Variants in ZNF69 observed in about 807,000 individuals in gnomAD.
ZNF69 encodes the protein zinc finger protein 69.
Under a neutral mutation model 50.9 loss-of-function variants are expected in ZNF69, and 47 were observed. The ratio of observed to expected loss-of-function variants is 0.92; its 90% CI spans 0.73 to 1.18. The LOEUF is 1.18. Ranked by LOEUF, ZNF69 falls within the 50% of genes most tolerant of loss-of-function variation. ZNF69 has a pLI of 0.00. For missense variants in ZNF69, 717 were observed against 675.1 expected, an observed-to-expected ratio of 1.06 and a Z score of -0.69; for synonymous variants, 216 against 223.1, an observed-to-expected ratio of 0.97 and a Z score of 0.29.
At chr19:11,921,046 G>A in the ZNF69 span, among the ~76,000 whole-genome samples, 1 of 152,162 alleles carries the variant, frequency 6.6e-6, no homozygotes, top group Non-Finnish European at 1.5e-5. Flanking sequence ...GCTTCCTGCA[G>A]AGCTGTGTCC....
At chr19:11,898,546 A>G (rs1209506476) in intron 1 of ZNF69, among the ~76,000 whole-genome samples, 10 of 151,844 alleles carry the variant, frequency 6.6e-5, no homozygotes, top group African/African-American at 2.4e-4. Flanking sequence ...ACACACCACC[A>G]CACCCAACTA....
chr19:11,967,610 A>G, the ZNF69 span, among the ~76,000 whole-genome samples: 1 of 152,094 alleles, frequency 6.6e-6, no homozygotes, highest in African/African-American at 2.4e-5. Flanking sequence ...TCACCGTGTT[A>G]GCCAGGATGG....
chr19:11,974,897 C>T, the ZNF69 span, among the ~76,000 whole-genome samples: 8 of 152,230 alleles, frequency 5.3e-5, no homozygotes, highest in African/African-American at 1.9e-4. Flanking sequence ...GCCACCACAC[C>T]TGGCTGCTAC....
chr19:11,956,857 AT>A, the ZNF69 span, among the ~76,000 whole-genome samples: 2 of 152,142 alleles, frequency 1.3e-5, no homozygotes, highest in African/African-American at 2.4e-5. Context: ...CTCCAAAAAA[AT>A]AAATAAAGCT....
chr19:11,898,814 A>G (rs1972183313), intron 1 of ZNF69, among the ~76,000 whole-genome samples: 2 of 152,186 alleles, frequency 1.3e-5, no homozygotes, highest in South Asian at 4.1e-4. Context: ...AGCCTAGGCA[A>G]CATAGCAAGA....
In ZNF69 at chr19:11,904,940, A is replaced by G. The variant is rs778485026; in HGVS notation, c.543A>G (p.Thr181=). The change falls in exon 4 of 4, where the codon ACA becomes ACG. Residue 181 remains threonine, a synonymous_variant. Coordinates refer to ENST00000429654, the MANE Select transcript of ZNF69 (RefSeq NM_001364730.1). ...TCAGATATCACCCCTCCTTTAGAAC[A>G]CCACAAAGGGATCACACTGGAGAGA... ...KAFRYHPSFR[T]PQRDHTGEKP... The G allele has an allele frequency of 8.1e-5, 131 of 1,614,076 alleles. No individual in the cohort carries two copies. Among genetic ancestry groups the G allele is most frequent in the Non-Finnish European group, 4.0e-5 (47 of 1,180,034 alleles).
chr19:11,968,030 G>A, the ZNF69 span, among the ~76,000 whole-genome samples: 9 of 152,166 alleles, frequency 5.9e-5, no homozygotes, highest in African/African-American at 2.2e-4. Flanking sequence ...GGAGTGTAAG[G>A]ATACTTGCAG....
the ZNF69 span, chr19:11,949,311 TGCCTCACA>T: frequency 6.2e-7 from 1 of 1,613,976 alleles, no homozygotes; most frequent in African/African-American, 1.3e-5. Context: ...CCTTCAGATC[TGCCTCACA>T]GCTTCGAGTG....
chr19:11,941,079 C>T, the ZNF69 span, among the ~76,000 whole-genome samples: 3 of 152,270 alleles, frequency 2.0e-5, no homozygotes, highest in East Asian at 5.8e-4. Flanking sequence ...TCGATTGGTG[C>T]ATTCACAAAC....
chr19:11,900,325 C>T (rs1426600090), intron 1 of ZNF69, among the ~76,000 whole-genome samples: 1 of 149,818 alleles, frequency 6.7e-6, no homozygotes, highest in Non-Finnish European at 1.5e-5. Flanking sequence ...TAATTACATT[C>T]TTTAGGGGGA....
the ZNF69 span, among the ~76,000 whole-genome samples, chr19:11,941,767 C>A: frequency 6.6e-6 from 1 of 152,244 alleles, no homozygotes; most frequent in Non-Finnish European, 1.5e-5. Flanking sequence ...GGCTGAAGGG[C>A]TCCTCAAGTG....
chr19:11,915,642 G>A (rs1309818731), downstream of ZNF69, among the ~76,000 whole-genome samples: 1 of 152,168 alleles, frequency 6.6e-6, no homozygotes, highest in Non-Finnish European at 1.5e-5. Flanking sequence ...GGTGGCTCAC[G>A]CCTGTAATCC....
chr19:11,893,023 C>T (rs552377733), intron 1 of ZNF69, among the ~76,000 whole-genome samples: 2 of 152,132 alleles, frequency 1.3e-5, no homozygotes, highest in South Asian at 2.1e-4. Context: ...TTAGTAAACA[C>T]GGGGTTTTAC....
the ZNF69 span, chr19:11,925,089 A>G: frequency 8.9e-7 from 1 of 1,121,848 alleles, no homozygotes; most frequent in East Asian, 2.9e-5. Flanking sequence ...TTCATCCGGA[A>G]ATGGAGGGGG....
chr19:11,888,833 C>T (rs372868287), intron 1 of ZNF69, among the ~76,000 whole-genome samples: 1 of 151,996 alleles, frequency 6.6e-6, no homozygotes, highest in East Asian at 1.9e-4. Flanking sequence ...ACTAGCCGGG[C>T]GTGATGGTGG....
chr19:11,928,516 A>C, the ZNF69 span, among the ~76,000 whole-genome samples: 6 of 148,648 alleles, frequency 4.0e-5, no homozygotes, highest in African/African-American at 7.7e-5. Context: ...GCGGATCACG[A>C]GGTCAGGAGA....
the ZNF69 span, chr19:11,953,476 A>T: frequency 3.9e-5 from 6 of 152,234 alleles, no homozygotes; most frequent in Non-Finnish European, 5.9e-5. Flanking sequence ...CTGATCCTTT[A>T]TAACATATGC....
the ZNF69 span, chr19:11,978,676 C>T: frequency 1.2e-6 from 2 of 1,614,136 alleles, no homozygotes; most frequent in Non-Finnish European, 1.7e-6. Flanking sequence ...AGAACTCACA[C>T]TGGAGAAAAG....
At chr19:11,926,600 G>GCTGGTCTCGAACT in the ZNF69 span, 1 of 154,134 alleles carries the variant, frequency 6.5e-6, no homozygotes, top group African/African-American at 2.4e-5. Context: ...TGTTGGCCAG[G>GCTGGTCTCGAACT]CTGGTCTCGA....
Sources: gnomAD v4.1 joint callset for allele counts (sites outside exome capture counted in the v4.1 genomes callset) on GRCh38, gnomAD v4.1.1 for gene constraint, MANE v1.5 for transcripts, NCBI Gene and HGNC (gene_info 2026-07-23, HGNC 2026-07-21) for gene names.